Variants in CASZ1 observed in about 807,000 individuals in gnomAD.
The protein encoded by CASZ1 is castor zinc finger 1.
In CASZ1, 28 loss-of-function variants were observed where a neutral mutation model predicts 135.2. The ratio of observed to expected loss-of-function variants is 0.21; its 90% CI spans 0.15 to 0.28. The LOEUF is 0.28. CASZ1 is among the 10% of genes least tolerant of loss of function. The probability of loss-of-function intolerance (pLI) is 1.00; values close to 1 mark genes in which losing one functional copy is unlikely to be tolerated. For missense variants in CASZ1, 2,161 were observed against 2,453.3 expected (o/e 0.88, Z 2.52); for synonymous variants, 1,068 against 1,073.4 (o/e 0.99, Z 0.10).
intron 15 of CASZ1, 124 bp downstream of exon 15, chr1:10,648,946 C>T (rs1354970749): frequency 1.1e-5 from 15 of 1,349,830 alleles, no homozygotes; most frequent in Admixed American, 6.7e-5. Flanking sequence ...GCAGCATCTC[C>T]GAGAAGCCGG....
chr1:10,763,495 AG>A (rs1423518055), intron 1 of CASZ1, among the ~76,000 whole-genome samples: 3 of 152,180 alleles, frequency 2.0e-5, no homozygotes, highest in Non-Finnish European at 2.9e-5. Context: ...CAAGCACTCT[AG>A]AAATGCCCAG....
Position 10,654,173 on chromosome 1 carries a change from C to T in CASZ1, c.1884G>A (p.Glu628=). ...CCTTGATGTGGTAGCTCTTGTGCTT[C>T]TCGATGTCACACTTGTTCTTGAAAG... is the stretch of plus-strand genomic sequence containing the variant. ...TFTFKNKCDI[E]KHKSYHIKDD... The change falls in exon 11 of 21, where the codon GAG becomes GAA. Residue 628 remains glutamate (E), a synonymous_variant. Coordinates refer to ENST00000377022, the MANE Select transcript of CASZ1 (RefSeq NM_001079843.3). The T allele has an allele frequency of 1.2e-6, 2 of 1,614,216 alleles. No individual in the cohort carries two copies. Among genetic ancestry groups the T allele is most frequent in the South Asian group, 2.2e-5 (2 of 91,086 alleles).
At chr1:10,665,743 G>A (rs879811780) in intron 4 of CASZ1, among the ~76,000 whole-genome samples, 172 bp from the exon 5 acceptor site, 23 of 152,318 alleles carry the variant, frequency 1.5e-4, no homozygotes, top group Non-Finnish European at 2.8e-4. Context: ...TAGTCTATGA[G>A]CTCCGTGGCC....
rs72862936 is a variant in CASZ1, at chr1:10,767,506, G to T, written c.-233-6649C>A. 0.045 allele frequency among the ~76,000 whole-genome samples: 6,883 copies of T among 152,256 alleles called. 188 individuals are homozygous for T. Among genetic ancestry groups the T allele is most frequent in the South Asian group, 0.088 (426 of 4,820 alleles). On this transcript the variant is annotated intron_variant, in intron 1 of 20. Coordinates refer to ENST00000377022, the MANE Select transcript of CASZ1 (RefSeq NM_001079843.3). The surrounding 1 kb of genome is among the most constrained non-coding windows in gnomAD (Gnocchi z 4.2). ...CTATTGCAAAGCCAGGCCCAGGGAG[G>T]CCGGGAAGCAGAGAGCCGGAGGAGT...
intron 3 of CASZ1, among the ~76,000 whole-genome samples, chr1:10,696,256 G>T (rs1417207009): frequency 6.6e-6 from 1 of 152,062 alleles, no homozygotes; most frequent in African/African-American, 2.4e-5. Context: ...TGCCTTCCTG[G>T]CAGTCCCCAC....
intron 2 of CASZ1, among the ~76,000 whole-genome samples, chr1:10,712,065 G>T (rs187644072): frequency 1.8e-4 from 27 of 152,326 alleles, no homozygotes; most frequent in Non-Finnish European, 3.2e-4. Flanking sequence ...GTGATTACAG[G>T]CCGGGCGTGG....
rs924154943 is a variant in CASZ1 at position 10,657,137 on chromosome 1, A to G, written c.1410-401T>C. 1.3e-5 allele frequency among the ~76,000 whole-genome samples: 2 copies of G among 152,156 alleles called. No individual in the cohort carries two copies. Among genetic ancestry groups the G allele is most frequent in the Non-Finnish European group, 2.9e-5 (2 of 68,024 alleles). On this transcript the variant is annotated intron_variant, in intron 7 of 20. Coordinates refer to ENST00000377022, the MANE Select transcript of CASZ1 (RefSeq NM_001079843.3). This position sits in a 1 kb window ranked among gnomAD's most constrained non-coding sequence, Gnocchi z 5.7. ...GGGCCAGCCGGGCTCTGATGCTGAG[A>G]GGTGTTAAAGGGCTCTCTCTGTCCT... is the stretch of plus-strand genomic sequence containing the variant.
At chr1:10,690,938 T>C (rs1341757469) in intron 4 of CASZ1, among the ~76,000 whole-genome samples, 1 of 152,116 alleles carries the variant, frequency 6.6e-6, no homozygotes, top group Non-Finnish European at 1.5e-5. Flanking sequence ...GACCTAACCC[T>C]GGGAGCTTCC....
intron 5 of CASZ1, among the ~76,000 whole-genome samples, chr1:10,662,504 A>C (rs1433067466): frequency 1.3e-5 from 2 of 151,978 alleles, no homozygotes; most frequent in Non-Finnish European, 2.9e-5. Flanking sequence ...ATAAACCCAC[A>C]CACGGTCACA....
chr1:10,663,450 T>C (rs1643120739), intron 5 of CASZ1, among the ~76,000 whole-genome samples: 1 of 152,156 alleles, frequency 6.6e-6, no homozygotes, highest in Non-Finnish European at 1.5e-5. Context: ...TCAGCCGCTG[T>C]CCTGACCTCA....
intron 2 of CASZ1, among the ~76,000 whole-genome samples, chr1:10,737,320 C>G (rs1280306646): frequency 6.6e-6 from 1 of 152,176 alleles, no homozygotes; most frequent in African/African-American, 2.4e-5. Context: ...CTCGTGGGCC[C>G]TCCCCTCTCA....
rs1318678830 is a variant in CASZ1, at chr1:10,767,210, C to A, written c.-233-6353G>T. On this transcript the variant is annotated intron_variant, in intron 1 of 20. Transcript: ENST00000377022. This position sits in a 1 kb window ranked among gnomAD's most constrained non-coding sequence, Gnocchi z 4.2. The stretch of plus-strand genomic sequence containing the variant: ...AGATGGGGCCCGGTCGTCCACATTC[C>A]TCATGAGTTCCTGCCCCAGTCCTGG... Among the ~76,000 whole-genome samples, 1 of 152,232 alleles carries A rather than the reference C, an allele frequency of 6.6e-6. No homozygotes were observed. The highest frequency in any genetic ancestry group is 2.4e-5 in the African/African-American group (1 of 41,460).
At chr1:10,667,960 C>T (rs932766780) in intron 4 of CASZ1, among the ~76,000 whole-genome samples, 1 of 152,072 alleles carries the variant, frequency 6.6e-6, no homozygotes, top group African/African-American at 2.4e-5. Flanking sequence ...GCCCCAGGCC[C>T]CTTTGCTCCT....
chr1:10,675,964 C>T lies in CASZ1; in HGVS notation c.17-10393G>A, dbSNP rs1268000637. Among the ~76,000 whole-genome samples, 4 of 152,330 alleles carry T rather than the reference C, an allele frequency of 2.6e-5. No individual in the cohort carries two copies. The East Asian group carries it at 5.8e-4, about 22-fold the overall frequency. On this transcript the variant is annotated intron_variant, in intron 4 of 20. Transcript: ENST00000377022. ...CTAGGCCTGTTACCCTCAGCCTTGC[C>T]TCTTCTCCCTCAAGTTCCATCCCAG...
At position 10,653,934 on chromosome 1, in the gene CASZ1, G is replaced by A. The variant is rs768854834; in HGVS notation, c.2123C>T (p.Ser708Leu). The change falls in exon 11 of 21, where the codon TCG (serine) becomes TTG (leucine). Residue 708 changes from serine (S) to leucine (L), a missense_variant. Physicochemically the swap from Ser to Leu is moderately radical, Grantham distance 145. This residue lies in a region of CASZ1 where 248 missense variants were observed against 410.8 expected (regional missense o/e 0.60). Transcript: ENST00000377022. Reference sequence around the variant, plus strand: ...CTCCGTGTCCTTGGCGCCCAGCAGCGAGGGCGGCAGCCCCAGCGCGCCCGA... The same window carrying A: ...CTCCGTGTCCTTGGCGCCCAGCAGCAAGGGCGGCAGCCCCAGCGCGCCCGA... ...RSSGALGLPPSLLGAKDTEHE... is the reference protein window; with the variant it reads ...RSSGALGLPPLLLGAKDTEHE... The A allele has an allele frequency of 5.6e-6, 9 of 1,613,442 alleles. No individual in the cohort carries two copies. The highest frequency in any genetic ancestry group is 5.0e-5 in the Admixed American group (3 of 59,970).
At position 10,725,071 on chromosome 1, in the gene CASZ1, T is replaced by C. The variant is rs1639572209; in HGVS notation, c.-76-19527A>G. Among the ~76,000 whole-genome samples, 1 of 152,192 alleles carries C rather than the reference T, an allele frequency of 6.6e-6. No individual in the cohort carries two copies. The highest frequency in any genetic ancestry group is 1.5e-5 in the Non-Finnish European group (1 of 68,012). ...CGGAGGGAAGCAGCCCTCGCAGACG[T>C]GCAGGTGGCTGTTCTTCCCTGGAGG... On this transcript the variant is annotated intron_variant, in intron 2 of 20. Coordinates refer to ENST00000377022, the MANE Select transcript of CASZ1 (RefSeq NM_001079843.3). This position sits in a 1 kb window ranked among gnomAD's most constrained non-coding sequence, Gnocchi z 4.4.
chr1:10,754,826 C>T (rs140170299), intron 2 of CASZ1, among the ~76,000 whole-genome samples: 166 of 152,324 alleles, frequency 1.1e-3, no homozygotes, highest in Non-Finnish European at 1.7e-3. Context: ...TGAGTCACAA[C>T]GGCCCTAAAC....
At position 10,665,313 on chromosome 1, in the gene CASZ1, A is replaced by G; in HGVS notation, c.275T>C (p.Val92Ala). The change falls in exon 5 of 21, where the codon GTG (valine) becomes GCG (alanine). Residue 92 changes from valine (V) to alanine (A), a missense_variant. Coordinates refer to ENST00000377022, the MANE Select transcript of CASZ1 (RefSeq NM_001079843.3). ...DKRRAVIEKW[V>A]NGEYSEEPAP... is the part of the protein sequence containing the mutation. ...CGGCTCCTCGCTGTACTCCCCGTTC[A>G]CCCACTTCTCGATCACTGCCCGTCT... 1 of 1,612,616 alleles carries G rather than the reference A, an allele frequency of 6.2e-7. No homozygotes were observed. Among genetic ancestry groups the G allele is most frequent in the South Asian group, 1.1e-5 (1 of 90,912 alleles).
In CASZ1 at chr1:10,665,574, G is replaced by A; in HGVS notation, c.17-3C>T. 1.3e-6 allele frequency: 2 copies of A among 1,553,964 alleles called. No homozygotes were observed. The highest frequency in any genetic ancestry group is 1.7e-6 in the Non-Finnish European group (2 of 1,155,644). On this transcript the variant is annotated splice_region_variant and splice_polypyrimidine_tract_variant and intron_variant, in intron 4 of 20. Transcript: ENST00000377022. ...GTCCGTGCACCGGGTGCCCTCAGCT[G>A]CAGGGATGGAGGAGAGCACGGAGGT...
Sources: allele counts gnomAD v4.1 joint callset (sites outside exome capture counted in the v4.1 genomes callset), GRCh38; gene constraint gnomAD v4.1.1; regional missense constraint gnomAD v4.1.1; non-coding constraint Gnocchi (gnomAD v3.1); transcripts MANE v1.5; gene names NCBI Gene and HGNC (gene_info 2026-07-23, HGNC 2026-07-21).